CASD1: variants seen among roughly 807,000 people sequenced by gnomAD.
The protein encoded by CASD1 is N-acetylneuraminate (7)9-O-acetyltransferase.
A neutral mutation model predicts 100.0 loss-of-function variants in CASD1; 41 were observed. That is an observed-to-expected ratio of 0.41 (90% CI 0.32 to 0.53). The LOEUF (loss-of-function observed/expected upper bound fraction) is 0.53. Among genes scored for constraint, CASD1 ranks in the 20% least tolerant of loss-of-function variants. The pLI is 0.25. For synonymous variants in CASD1, 321 were observed against 315.6 expected, an observed-to-expected ratio of 1.02 and a Z score of -0.18; for missense variants, 774 against 948.7, an observed-to-expected ratio of 0.82 and a Z score of 2.42.
chr7:94,599,750 TA>T, the CASD1 span: 1 of 1,453,592 alleles, frequency 6.9e-7, no homozygotes, highest in Non-Finnish European at 9.7e-7. Context: ...ATTTATGAAT[TA>T]AATAATAGCA....
At chr7:94,588,164 A>C in the CASD1 span, 1 of 1,105,484 alleles carries the variant, frequency 9.0e-7, no homozygotes, top group Non-Finnish European at 1.1e-6. Context: ...AGTCTTAGGG[A>C]AATAGAATAA....
At chr7:94,567,414 G>T in the CASD1 span, among the ~76,000 whole-genome samples, 1 of 152,084 alleles carries the variant, frequency 6.6e-6, no homozygotes, top group East Asian at 1.9e-4. Flanking sequence ...GTAGGGCCAT[G>T]TAAAAGAAAG....
chr7:94,552,000 A>G (rs1400890580), intron 15 of CASD1: 1 of 205,044 alleles, frequency 4.9e-6, no homozygotes, highest in Non-Finnish European at 9.7e-6. Context: ...ATAAGTTAAA[A>G]ATGAAGAATA....
chr7:94,547,286 C>T (rs1168113196), intron 13 of CASD1, 111 bp downstream of exon 13: 1 of 661,536 alleles, frequency 1.5e-6, no homozygotes, highest in East Asian at 2.9e-5. Flanking sequence ...TTTTTAATGA[C>T]TGTAATAAAA....
At position 94,544,521 on chromosome 7, in the gene CASD1, A is replaced by G; in HGVS notation, c.1467A>G (p.Arg489=). ...FWIKGDFGIY[R]VCQVLFRLNF... ...TAAAAGGAGATTTTGGAATCTATAG[A>G]GTATGTCAGGTAGGAATGCACTGTT... Residue 489 remains arginine (R), a synonymous_variant, in exon 11 of 18, where the codon AGA becomes AGG. Transcript: ENST00000297273. 6.2e-7 allele frequency: 1 copy of G among 1,612,540 alleles called. No homozygotes were observed.
chr7:94,579,118 C>T, the CASD1 span, among the ~76,000 whole-genome samples: 1 of 151,222 alleles, frequency 6.6e-6, no homozygotes, highest in Non-Finnish European at 1.5e-5. Context: ...TTCACCAGTG[C>T]ATAGTTCAAT....
the CASD1 span, chr7:94,587,919 C>T: frequency 2.1e-6 from 3 of 1,456,646 alleles, no homozygotes; most frequent in Admixed American, 6.0e-5. Context: ...AATAGTTTCC[C>T]TACCACAATG....
chr7:94,615,507 G>A, the CASD1 span, among the ~76,000 whole-genome samples: 2 of 152,164 alleles, frequency 1.3e-5, no homozygotes, highest in African/African-American at 4.8e-5. Context: ...CTTTCCATCA[G>A]ACCAATATTG....
chr7:94,558,949 G>A (rs559404435), downstream of CASD1, among the ~76,000 whole-genome samples: 1 of 152,040 alleles, frequency 6.6e-6, no homozygotes, highest in South Asian at 2.1e-4. Flanking sequence ...ACAGGTGCCT[G>A]CCACCATACC....
chr7:94,627,716 A>T, the CASD1 span: 10 of 157,572 alleles, frequency 6.3e-5, no homozygotes, highest in Non-Finnish European at 1.1e-4. Flanking sequence ...TTGGCTAAGT[A>T]TTTGTTTACA....
chr7:94,525,613 T>A (rs1197814775), intron 3 of CASD1, among the ~76,000 whole-genome samples: 3 of 152,248 alleles, frequency 2.0e-5, no homozygotes, highest in African/African-American at 7.2e-5. Context: ...GTTCATGACA[T>A]TATTTTTCTG....
intron 10 of CASD1, among the ~76,000 whole-genome samples, chr7:94,542,986 A>T (rs1197358897): frequency 6.6e-6 from 1 of 152,200 alleles, no homozygotes; most frequent in Non-Finnish European, 1.5e-5. Flanking sequence ...GGAAGGAGAA[A>T]TGACATTCAT....
At chr7:94,628,799 T>G in the CASD1 span, 1 of 172,198 alleles carries the variant, frequency 5.8e-6, no homozygotes, top group Admixed American at 5.9e-5. Flanking sequence ...TAATGTAATT[T>G]TAAAACACTG....
chr7:94,559,924 A>G (rs1278882763), downstream of CASD1, among the ~76,000 whole-genome samples: 2 of 152,230 alleles, frequency 1.3e-5, no homozygotes, highest in African/African-American at 4.8e-5. Flanking sequence ...AAATATCTTC[A>G]ATATTATACA....
the CASD1 span, chr7:94,600,925 G>A: frequency 7.8e-7 from 1 of 1,275,868 alleles, no homozygotes; most frequent in Non-Finnish European, 1.1e-6. Flanking sequence ...TTAAGATCTG[G>A]ATACACTAAA....
chr7:94,540,557 A>G (rs1795344820), intron 10 of CASD1, among the ~76,000 whole-genome samples: 1 of 152,144 alleles, frequency 6.6e-6, no homozygotes, highest in Admixed American at 6.6e-5. Flanking sequence ...TGGCTATGAT[A>G]TGTATGTTTG....
chr7:94,584,967 A>G, the CASD1 span: 1 of 153,002 alleles, frequency 6.5e-6, no homozygotes, highest in Non-Finnish European at 1.5e-5. Flanking sequence ...CATCAGTTTC[A>G]CAATCCATAA....
the CASD1 span, among the ~76,000 whole-genome samples, chr7:94,562,050 A>G: frequency 2.8e-4 from 43 of 152,186 alleles, no homozygotes; most frequent in African/African-American, 9.4e-4. Flanking sequence ...TGTTGATTAC[A>G]TCACACAATG....
the CASD1 span, chr7:94,598,880 G>C: frequency 6.2e-7 from 1 of 1,613,168 alleles, no homozygotes; most frequent in Non-Finnish European, 8.5e-7. Flanking sequence ...CGTTGACAGG[G>C]GCCATGCTAT....
Sources: gnomAD v4.1 joint callset for allele counts (sites outside exome capture counted in the v4.1 genomes callset) on GRCh38, gnomAD v4.1.1 for gene constraint, MANE v1.5 for transcripts, NCBI Gene and HGNC (gene_info 2026-07-23, HGNC 2026-07-21) for gene names.